CLASP2: variants seen among roughly 807,000 people sequenced by gnomAD.
CLASP2 encodes the protein CLIP-associating protein 2.
In CLASP2, 47 loss-of-function variants were observed where a neutral mutation model predicts 194.4. That is an observed-to-expected ratio of 0.24 (90% CI 0.19 to 0.31). The LOEUF is 0.31. Among genes scored for constraint, CLASP2 ranks in the 10% least tolerant of loss-of-function variants. The probability of loss-of-function intolerance (pLI) is 1.00; values close to 1 mark genes in which losing one functional copy is unlikely to be tolerated. For synonymous variants in CLASP2, 619 were observed against 633.5 expected (o/e 0.98, Z 0.34); for missense variants, 1,445 against 1,823.6 (o/e 0.79, Z 3.78).
rs558639682 is a variant in CLASP2 at position 33,540,279 on chromosome 3, C to T, written c.3405-1337G>A. On this transcript the variant is annotated intron_variant, in intron 32 of 38. Coordinates refer to ENST00000682230, the MANE Select transcript of CLASP2 (RefSeq NM_001365631.1). Reference sequence around the variant, plus strand: ...TAAGGGACAGGGTCTTGCTGCTGCCCAGACTGGAGTGCAGTGGTGCAAACA... The same window carrying T: ...TAAGGGACAGGGTCTTGCTGCTGCCTAGACTGGAGTGCAGTGGTGCAAACA... 7.3e-5 allele frequency among the ~76,000 whole-genome samples: 11 copies of T among 150,378 alleles called. No individual in the cohort carries two copies. The South Asian group carries it at 1.5e-3, about 20-fold the overall frequency.
intron 37 of CLASP2, among the ~76,000 whole-genome samples, chr3:33,506,451 G>A (rs2048247969): frequency 6.8e-6 from 1 of 146,582 alleles, no homozygotes; most frequent in Non-Finnish European, 1.5e-5. Context: ...ATTCATTGTA[G>A]TATTATTCTA....
intron 38 of CLASP2, among the ~76,000 whole-genome samples, chr3:33,501,050 TA>T (rs558418427): frequency 2.3e-4 from 35 of 152,308 alleles, no homozygotes; most frequent in East Asian, 1.5e-3. Context: ...CTGGCCACCT[TA>T]GCAGAATGAA....
Position 33,576,076 on chromosome 3 carries a change from C to T in CLASP2, c.2454+93G>A, listed in dbSNP as rs2064815058. The T allele has an allele frequency of 6.7e-6, 6 of 895,640 alleles. No individual in the cohort carries two copies. In the African/African-American group the frequency reaches 6.8e-5, roughly 10 times the overall value. The allele number at this position is 895,640 out of a possible 1,614,324, so 55.5% of individuals were successfully genotyped here. On this transcript the variant is annotated intron_variant, in intron 24 of 38. Transcript: ENST00000682230. ...CTTTAGATTTAATCACTGATTTTTC[C>T]CCAACCCCTTTCCCACATGGATAGA...
In CLASP2 at chr3:33,510,599, G is replaced by A; in HGVS notation, c.4276C>T (p.Leu1426=). The A allele has an allele frequency of 6.2e-7, 1 of 1,613,866 alleles. No individual in the cohort carries two copies. Among genetic ancestry groups the A allele is most frequent in the Non-Finnish European group, 8.5e-7 (1 of 1,179,872 alleles). ...KVIERVSKET[L]NLLLPEIMPG... Reference sequence around the variant, plus strand: ...ATAATCTCTGGCAAAAGCAGGTTTAGGGTTTCCTTGGACACTCTCTCTATC... The same window carrying A: ...ATAATCTCTGGCAAAAGCAGGTTTAAGGTTTCCTTGGACACTCTCTCTATC... Residue 1426 remains leucine (L), a synonymous_variant, in exon 37 of 39, where the codon CTA becomes TTA. Transcript: ENST00000682230.
chr3:33,689,777 G>C, intron 3 of CLASP2, 52 bp downstream of exon 3: 1 of 1,273,778 alleles, frequency 7.9e-7, no homozygotes, highest in Middle Eastern at 1.9e-4. Context: ...TGGCTTTAAT[G>C]ATTTCCTGTG....
intron 1 of CLASP2, among the ~76,000 whole-genome samples, chr3:33,717,404 C>A (rs2093346711): frequency 6.6e-6 from 1 of 151,784 alleles, no homozygotes; most frequent in Non-Finnish European, 1.5e-5. Flanking sequence ...GACGCGGGAC[C>A]CCCCTGTTTC....
chr3:33,693,058 T>C (rs1478560397), intron 2 of CLASP2, among the ~76,000 whole-genome samples: 1 of 152,156 alleles, frequency 6.6e-6, no homozygotes, highest in Non-Finnish European at 1.5e-5. Flanking sequence ...GAATCAGTTA[T>C]AAAACCAGGG....
chr3:33,647,351 T>C (rs539031448), intron 7 of CLASP2, among the ~76,000 whole-genome samples: 60 of 152,210 alleles, frequency 3.9e-4, no homozygotes, highest in African/African-American at 1.4e-3. Context: ...ACCGGGCAAT[T>C]TGTTAAAAAT....
intron 13 of CLASP2, among the ~76,000 whole-genome samples, chr3:33,611,368 A>AATACG (rs1412408609): frequency 6.6e-6 from 1 of 152,152 alleles, no homozygotes; most frequent in Non-Finnish European, 1.5e-5. Flanking sequence ...TACCTCCCTG[A>AATACG]ATACGCATAG....
In CLASP2 at chr3:33,621,406, C is replaced by T. The variant is rs578090232; in HGVS notation, c.1181+729G>A. 4.6e-5 allele frequency among the ~76,000 whole-genome samples: 7 copies of T among 152,276 alleles called. No individual in the cohort carries two copies. In the East Asian group the frequency reaches 1.4e-3, roughly 29 times the overall value. ...GGAGATATTGGGTCATTTTGGTATACTGGGACTTGTATCTTGCAACTTTGC... is the reference window on the plus strand; with the variant it reads ...GGAGATATTGGGTCATTTTGGTATATTGGGACTTGTATCTTGCAACTTTGC... On this transcript the variant is annotated intron_variant, in intron 11 of 38. Coordinates refer to ENST00000682230, the MANE Select transcript of CLASP2 (RefSeq NM_001365631.1).
At chr3:33,602,769 G>A (rs1560255313) in intron 18 of CLASP2, 183 bp downstream of exon 18, 7 of 704,654 alleles carry the variant, frequency 9.9e-6, no homozygotes, top group Non-Finnish European at 1.3e-5. Flanking sequence ...TGAGAACAAG[G>A]GAAAAGGAGA....
intron 2 of CLASP2, among the ~76,000 whole-genome samples, chr3:33,695,610 T>C (rs1323847725): frequency 6.6e-6 from 1 of 152,070 alleles, no homozygotes; most frequent in Admixed American, 6.6e-5. Flanking sequence ...AATGTGATGA[T>C]ATACTGATAT....
rs2071620737 is a variant in CLASP2 at position 33,600,083 on chromosome 3, T to TA, written c.1924+2868_1924+2869insT. ...TAATGTGTTTTGCTCATATATATATTTTTTTTGTGTGTGTGTGTGTGTGGA... is the reference window on the plus strand; with the variant it reads ...TAATGTGTTTTGCTCATATATATATTATTTTTTGTGTGTGTGTGTGTGTGGA... On this transcript the variant is annotated intron_variant, in intron 18 of 38. Transcript: ENST00000682230. Among the ~76,000 whole-genome samples, 4 of 149,650 alleles carry TA rather than the reference T, an allele frequency of 2.7e-5. No homozygotes were observed. In the South Asian group the frequency reaches 8.4e-4, roughly 31 times the overall value.
chr3:33,664,166 AACC>A (rs2085779730), intron 6 of CLASP2, among the ~76,000 whole-genome samples: 1 of 152,196 alleles, frequency 6.6e-6, no homozygotes, highest in Non-Finnish European at 1.5e-5. Flanking sequence ...ACAAAGAAAA[AACC>A]ACATTTCTAT....
intron 1 of CLASP2, among the ~76,000 whole-genome samples, chr3:33,716,448 T>C (rs1386899754): frequency 6.6e-6 from 1 of 152,142 alleles, no homozygotes; most frequent in Non-Finnish European, 1.5e-5. Context: ...AGGAGTGAAA[T>C]GGCCCAAAGC....
In CLASP2 at chr3:33,689,623, T is replaced by TA. The variant is rs896278125; in HGVS notation, c.378+205dup. The TA allele has an allele frequency of 6.5e-4, 257 of 397,064 alleles. 1 individual carries two copies. The highest frequency in any genetic ancestry group is 1.4e-3 in the Middle Eastern group (2 of 1,462). 24.6% of individuals were successfully genotyped at this position (397,064 alleles called of 1,614,324 possible). On this transcript the variant is annotated intron_variant, in intron 3 of 38. Coordinates refer to ENST00000682230, the MANE Select transcript of CLASP2 (RefSeq NM_001365631.1). ...TCACTGAAATCTATTAGTTAGCTTT[T>TA]AAAAAAAAAGCATTAAGAGTACAAA...
intron 34 of CLASP2, among the ~76,000 whole-genome samples, chr3:33,533,690 G>A (rs1277988086): frequency 6.6e-6 from 1 of 152,030 alleles, no homozygotes; most frequent in Non-Finnish European, 1.5e-5. Context: ...TCCATCTCTA[G>A]AAATCTCTTA....
At chr3:33,693,502 C>T (rs558515952) in intron 2 of CLASP2, among the ~76,000 whole-genome samples, 2 of 152,278 alleles carry the variant, frequency 1.3e-5, no homozygotes, top group South Asian at 2.1e-4. Flanking sequence ...AAAAAGCTAA[C>T]TCTGGGACTC....
chr3:33,637,409 C>T (rs1398194728), intron 8 of CLASP2, among the ~76,000 whole-genome samples: 2 of 152,096 alleles, frequency 1.3e-5, no homozygotes, highest in East Asian at 3.8e-4. Context: ...TGGCAGGCAA[C>T]TGTAGTCCCA....
Sources: allele counts gnomAD v4.1 joint callset (sites outside exome capture counted in the v4.1 genomes callset), GRCh38; gene constraint gnomAD v4.1.1; transcripts MANE v1.5; gene names NCBI Gene and HGNC (gene_info 2026-07-23, HGNC 2026-07-21).